MAN1C1: variants seen among roughly 807,000 people sequenced by gnomAD.
MAN1C1 encodes mannosyl-oligosaccharide 1,2-alpha-mannosidase IC.
A neutral mutation model predicts 71.5 loss-of-function variants in MAN1C1; 49 were observed. That is an observed-to-expected ratio of 0.69 (90% CI 0.54 to 0.87). MAN1C1 has a LOEUF of 0.87. MAN1C1 is among the 40% of genes least tolerant of loss of function. The pLI is 0.00. For missense variants in MAN1C1, 743 were observed against 835.0 expected (o/e 0.89, Z 1.36); for synonymous variants, 352 against 343.7 (o/e 1.02, Z -0.27).
At chr1:25,649,996 A>G (rs1451232104) in intron 1 of MAN1C1, among the ~76,000 whole-genome samples, 1 of 152,104 alleles carries the variant, frequency 6.6e-6, no homozygotes. Flanking sequence ...CTGTGGTTGT[A>G]CTGGCTCCCG....
intron 2 of MAN1C1, among the ~76,000 whole-genome samples, chr1:25,719,731 A>G (rs1006127126): frequency 1.3e-5 from 2 of 151,784 alleles, no homozygotes; most frequent in Non-Finnish European, 2.9e-5. Flanking sequence ...CCTGACCTAC[A>G]TTTTTATTAT....
intron 9 of MAN1C1, among the ~76,000 whole-genome samples, chr1:25,780,492 A>G (rs1242357757): frequency 6.6e-6 from 1 of 152,200 alleles, no homozygotes; most frequent in African/African-American, 2.4e-5. Context: ...ATTTCACATT[A>G]GCATATTAAA....
intron 2 of MAN1C1, among the ~76,000 whole-genome samples, chr1:25,696,286 C>A (rs1012138684): frequency 3.9e-5 from 6 of 152,170 alleles, no homozygotes; most frequent in Non-Finnish European, 7.3e-5. Context: ...ACTACCAGGC[C>A]ACTTGGATCC....
intron 1 of MAN1C1, among the ~76,000 whole-genome samples, chr1:25,633,378 C>T (rs2045412100): frequency 6.6e-6 from 1 of 152,084 alleles, no homozygotes; most frequent in African/African-American, 2.4e-5. Context: ...ATCTGTCTAG[C>T]ACTGTCAGTA....
intron 1 of MAN1C1, among the ~76,000 whole-genome samples, chr1:25,664,810 T>C (rs1454069262): frequency 1.3e-5 from 2 of 152,246 alleles, no homozygotes; most frequent in Non-Finnish European, 2.9e-5. Context: ...AAGGCACTCA[T>C]ATAAGGAGGC....
Position 25,616,833 on chromosome 1 carries a change from G to C in MAN1C1, c.-965G>C, listed in dbSNP as rs2045103456. On this transcript the variant is annotated 5_prime_UTR_variant, in exon 1 of 12. Coordinates refer to ENST00000374332, the MANE Select transcript of MAN1C1 (RefSeq NM_020379.4). The surrounding 1 kb of genome is among the most constrained non-coding windows in gnomAD (Gnocchi z 5.6). ...CGGCGGCGGCGGGGACGGCGGTGGAGGCGGCCGGGTGGCTGTGCGCGCGTG... is the reference window on the plus strand; with the variant it reads ...CGGCGGCGGCGGGGACGGCGGTGGACGCGGCCGGGTGGCTGTGCGCGCGTG... Among the ~76,000 whole-genome samples, 1 of 148,584 alleles carries C rather than the reference G, an allele frequency of 6.7e-6. No individual in the cohort carries two copies. Among genetic ancestry groups the C allele is most frequent in the South Asian group, 2.1e-4 (1 of 4,824 alleles).
chr1:25,665,855 CTTTTTTTTTT>C (rs757054975), intron 1 of MAN1C1, among the ~76,000 whole-genome samples: 12 of 96,914 alleles, frequency 1.2e-4, no homozygotes, highest in African/African-American at 4.6e-4. Context: ...TTGGCATTGG[CTTTTTTTTTT>C]TTTTTTTTTT....
At position 25,732,282 on chromosome 1, in the gene MAN1C1, C is replaced by T. The variant is rs11801597; in HGVS notation, c.638-14386C>T. On this transcript the variant is annotated intron_variant, in intron 2 of 11. Transcript: ENST00000374332. ...AAAGCCAAGAGTACTTCCCTGGGAC[C>T]TTCTTGGACCCTCCAAACCAGGCCC... Among the ~76,000 whole-genome samples, 1,114 of 152,256 alleles carry T rather than the reference C, an allele frequency of 7.3e-3. 17 individuals carry two copies. Among genetic ancestry groups the T allele is most frequent in the African/African-American group, 0.025 (1,054 of 41,554 alleles).
intron 7 of MAN1C1, among the ~76,000 whole-genome samples, chr1:25,767,126 G>A (rs1408034837): frequency 6.6e-6 from 1 of 151,532 alleles, no homozygotes; most frequent in Non-Finnish European, 1.5e-5. Context: ...AGCCCGCCTC[G>A]CAGTGTTGGG....
rs767799419 is a variant in MAN1C1, at chr1:25,631,594, C to T, written c.540+13257C>T. Among the ~76,000 whole-genome samples the T allele has an allele frequency of 6.6e-6, 1 of 152,124 alleles. No homozygotes were observed. Among genetic ancestry groups the T allele is most frequent in the Non-Finnish European group, 1.5e-5 (1 of 68,030 alleles). On this transcript the variant is annotated intron_variant, in intron 1 of 11. Coordinates refer to ENST00000374332, the MANE Select transcript of MAN1C1 (RefSeq NM_020379.4). This position sits in a 1 kb window ranked among gnomAD's most constrained non-coding sequence, Gnocchi z 4.2. ...CCATCCCTGCATCCCTGCTATGAAA[C>T]CCACTTGATCATGGTGTATTACATT...
At chr1:25,768,068 CA>C (rs2047472763) in intron 7 of MAN1C1, among the ~76,000 whole-genome samples, 2 of 37,518 alleles carry the variant, frequency 5.3e-5, no homozygotes, top group African/African-American at 1.9e-4. Flanking sequence ...CTCACACACA[CA>C]CACACTCCCC....
intron 4 of MAN1C1, among the ~76,000 whole-genome samples, chr1:25,750,412 C>T (rs919768752): frequency 3.4e-5 from 5 of 145,078 alleles, no homozygotes; most frequent in Non-Finnish European, 6.1e-5. Flanking sequence ...TGAGGCTGGA[C>T]GCCCCCCTGC....
At chr1:25,619,414 G>A (rs1464527485) in intron 1 of MAN1C1, among the ~76,000 whole-genome samples, 1 of 152,224 alleles carries the variant, frequency 6.6e-6, no homozygotes, top group Non-Finnish European at 1.5e-5. Flanking sequence ...AGGAAGAGCA[G>A]GCAGCAAGGA....
chr1:25,616,960 C>G lies in MAN1C1; in HGVS notation c.-838C>G, dbSNP rs2045106708. Among the ~76,000 whole-genome samples the G allele has an allele frequency of 6.6e-6, 1 of 151,120 alleles. No individual in the cohort carries two copies. The highest frequency in any genetic ancestry group is 1.5e-5 in the Non-Finnish European group (1 of 67,644). ...GCCAGGGCTGCGCGCTCCGCGGAGC[C>G]GGCGGGGCCGGGAACAGGTGATCCC... On this transcript the variant is annotated 5_prime_UTR_variant, in exon 1 of 12. Transcript: ENST00000374332. The surrounding 1 kb of genome is among the most constrained non-coding windows in gnomAD (Gnocchi z 5.6).
At chr1:25,689,836 A>C (rs1431359785) in intron 2 of MAN1C1, among the ~76,000 whole-genome samples, 1 of 152,194 alleles carries the variant, frequency 6.6e-6, no homozygotes, top group Non-Finnish European at 1.5e-5. Flanking sequence ...GGAGACCCTG[A>C]GCAGCGCCCC....
intron 2 of MAN1C1, among the ~76,000 whole-genome samples, chr1:25,690,670 G>A (rs967126476): frequency 3.9e-5 from 6 of 152,232 alleles, no homozygotes; most frequent in African/African-American, 9.6e-5. Context: ...AAAGAGCATG[G>A]GCTTTGAATC....
At chr1:25,752,783 G>C (rs942957090) in intron 4 of MAN1C1, among the ~76,000 whole-genome samples, 3 of 152,240 alleles carry the variant, frequency 2.0e-5, no homozygotes, top group Admixed American at 6.5e-5. Context: ...TCCTGTGGGT[G>C]GTTGAGGATA....
chr1:25,727,141 A>G (rs766776030), intron 2 of MAN1C1, among the ~76,000 whole-genome samples: 3 of 152,214 alleles, frequency 2.0e-5, no homozygotes, highest in Non-Finnish European at 4.4e-5. Flanking sequence ...GGAGGCTGCT[A>G]GACCCAGCTC....
intron 1 of MAN1C1, among the ~76,000 whole-genome samples, chr1:25,653,949 G>A (rs751507706): frequency 6.6e-6 from 1 of 152,112 alleles, no homozygotes; most frequent in Admixed American, 6.5e-5. Context: ...CGTGGATAGG[G>A]GCCAGGGAAG....
Sources: gnomAD v4.1 joint callset for allele counts (sites outside exome capture counted in the v4.1 genomes callset) on GRCh38, gnomAD v4.1.1 for gene constraint, Gnocchi (gnomAD v3.1) non-coding constraint, MANE v1.5 for transcripts, NCBI Gene and HGNC (gene_info 2026-07-23, HGNC 2026-07-21) for gene names.